The following PITPNC1 variants were observed in gnomAD, a reference collection of about 807,000 sequenced individuals.
The protein encoded by PITPNC1 is cytoplasmic phosphatidylinositol transfer protein 1.
PITPNC1 carries 18 observed loss-of-function variants against 44.7 expected under a neutral mutation model. That is an observed-to-expected ratio of 0.40 (90% confidence interval 0.28 to 0.60). The LOEUF is 0.60. Ranked by LOEUF, PITPNC1 falls within the 20% of genes least tolerant of loss-of-function variation. PITPNC1 has a pLI of 0.39. For missense variants in PITPNC1, 290 were observed against 418.4 expected, an observed-to-expected ratio of 0.69 and a Z score of 2.68; for synonymous variants, 141 against 149.6, an observed-to-expected ratio of 0.94 and a Z score of 0.42.
intron 5 of PITPNC1, among the ~76,000 whole-genome samples, chr17:67,598,845 A>C (rs1790215417): frequency 6.6e-6 from 1 of 151,346 alleles, no homozygotes; most frequent in Admixed American, 6.6e-5. Context: ...GTGAGCCGAG[A>C]TCACGCCATT....
chr17:67,415,910 T>TAAAAAA (rs3840059), intron 1 of PITPNC1, among the ~76,000 whole-genome samples: 1 of 148,070 alleles, frequency 6.8e-6, no homozygotes, highest in Non-Finnish European at 1.5e-5. Context: ...CACGCTTACC[T>TAAAAAA]AAAAAAAAAA....
At chr17:67,589,958 ACT>A (rs779119879) in intron 5 of PITPNC1, among the ~76,000 whole-genome samples, 3 of 152,002 alleles carry the variant, frequency 2.0e-5, no homozygotes, top group South Asian at 2.1e-4. Context: ...ACAGAGTGAG[ACT>A]CTGTCTCAAA....
chr17:67,410,880 C>T (rs1193332636), intron 1 of PITPNC1, among the ~76,000 whole-genome samples: 1 of 151,724 alleles, frequency 6.6e-6, no homozygotes, highest in Admixed American at 6.6e-5. Context: ...GTCAGGAGTT[C>T]AAGACCAGCC....
intron 1 of PITPNC1, among the ~76,000 whole-genome samples, chr17:67,475,770 A>G (rs1250676000): frequency 6.6e-6 from 1 of 152,216 alleles, no homozygotes; most frequent in Non-Finnish European, 1.5e-5. Flanking sequence ...AGTAAGCACA[A>G]TCAGGATTCA....
intron 5 of PITPNC1, among the ~76,000 whole-genome samples, chr17:67,585,118 GAA>G (rs397857902): frequency 3.4e-4 from 28 of 82,084 alleles, no homozygotes; most frequent in East Asian, 2.3e-3. Context: ...CTCCATCTCA[GAA>G]AAAAAAAAAA....
chr17:67,606,922 T>A (rs1396957415), intron 5 of PITPNC1, among the ~76,000 whole-genome samples: 1 of 152,214 alleles, frequency 6.6e-6, no homozygotes, highest in Non-Finnish European at 1.5e-5. Flanking sequence ...AACCACTGCC[T>A]GTCTGAAAAC....
intron 1 of PITPNC1, among the ~76,000 whole-genome samples, chr17:67,411,174 C>T (rs1011547893): frequency 1.3e-5 from 2 of 151,530 alleles, no homozygotes; most frequent in African/African-American, 2.4e-5. Flanking sequence ...TATTAGCATA[C>T]AGTGGTTATG....
chr17:67,479,224 G>T (rs1003433896), intron 1 of PITPNC1, among the ~76,000 whole-genome samples: 1 of 152,108 alleles, frequency 6.6e-6, no homozygotes, highest in African/African-American at 2.4e-5. Flanking sequence ...ACAATGCTTT[G>T]TTAACTCTTT....
intron 5 of PITPNC1, among the ~76,000 whole-genome samples, chr17:67,608,261 A>AC (rs1743625158): frequency 6.8e-6 from 1 of 146,994 alleles, no homozygotes; most frequent in African/African-American, 2.6e-5. Context: ...AAAAAACAAA[A>AC]AAAAAAAACC....
intron 1 of PITPNC1, among the ~76,000 whole-genome samples, chr17:67,403,219 A>AAAAAG (rs2038348200): frequency 2.5e-5 from 1 of 40,424 alleles, no homozygotes; most frequent in Non-Finnish European, 4.5e-5. Context: ...TCATCTCTAC[A>AAAAAG]AAAAAAAAAA....
chr17:67,596,880 A>G (rs2041467365), intron 5 of PITPNC1, among the ~76,000 whole-genome samples: 1 of 151,344 alleles, frequency 6.6e-6, no homozygotes, highest in Non-Finnish European at 1.5e-5. Context: ...TTAAAATGAT[A>G]GTGTTCTGAA....
intron 1 of PITPNC1, among the ~76,000 whole-genome samples, chr17:67,490,854 C>T (rs983897475): frequency 6.6e-6 from 1 of 152,172 alleles, no homozygotes; most frequent in South Asian, 2.1e-4. Flanking sequence ...CACCTGATGC[C>T]AAGAGCTGTT....
intron 2 of PITPNC1, among the ~76,000 whole-genome samples, chr17:67,539,243 G>C (rs1277196233): frequency 6.6e-6 from 1 of 152,174 alleles, no homozygotes; most frequent in Non-Finnish European, 1.5e-5. Context: ...CACCTCTTTA[G>C]AGAGCAATGG....
chr17:67,475,687 G>T (rs2039616140), intron 1 of PITPNC1, among the ~76,000 whole-genome samples: 1 of 152,204 alleles, frequency 6.6e-6, no homozygotes, highest in Non-Finnish European at 1.5e-5. Context: ...TACCACCTGG[G>T]AGGATAGGAT....
intron 5 of PITPNC1, among the ~76,000 whole-genome samples, chr17:67,585,082 C>T (rs2041293829): frequency 6.9e-6 from 1 of 145,836 alleles, no homozygotes; most frequent in African/African-American, 2.6e-5. Flanking sequence ...TGCCATTGCA[C>T]TCCAGACTGA....
At chr17:67,653,623 G>A (rs1230537986) in intron 6 of PITPNC1, among the ~76,000 whole-genome samples, 3 of 152,160 alleles carry the variant, frequency 2.0e-5, no homozygotes, top group South Asian at 2.1e-4. Flanking sequence ...CCCTAAATAG[G>A]TACGAATGAA....
chr17:67,379,168 C>T (rs2037919524), intron 1 of PITPNC1: 1 of 985,788 alleles, frequency 1.0e-6, no homozygotes, highest in African/African-American at 1.7e-5. Context: ...CCAAGCAAGG[C>T]AACGTGAAAC....
chr17:67,683,434 C>T (rs1433375968), intron 8 of PITPNC1, among the ~76,000 whole-genome samples: 1 of 152,166 alleles, frequency 6.6e-6, no homozygotes, highest in East Asian at 1.9e-4. Context: ...AGCATTTTCA[C>T]TTGATTAGGA....
At chr17:67,529,246 G>A (rs2040430428) in intron 1 of PITPNC1, among the ~76,000 whole-genome samples, 1 of 152,208 alleles carries the variant, frequency 6.6e-6, no homozygotes, top group Non-Finnish European at 1.5e-5. Flanking sequence ...GCTGAGCCCA[G>A]CCAGGGCTGA....
Sources: allele counts gnomAD v4.1 joint callset (sites outside exome capture counted in the v4.1 genomes callset), GRCh38; gene constraint gnomAD v4.1.1; transcripts MANE v1.5; gene names NCBI Gene and HGNC (gene_info 2026-07-23, HGNC 2026-07-21).